The following GRID2 variants were observed in gnomAD, a reference collection of about 807,000 sequenced individuals.
GRID2 encodes glutamate receptor ionotropic, delta-2.
A neutral mutation model predicts 114.8 loss-of-function variants in GRID2; 33 were observed. That is an observed-to-expected ratio of 0.29 (90% confidence interval 0.22 to 0.38). The LOEUF (loss-of-function observed/expected upper bound fraction) is 0.38, where lower values mean the gene tolerates loss of function less well. Ranked by LOEUF, GRID2 falls within the 10% of genes least tolerant of loss-of-function variation. The probability of loss-of-function intolerance (pLI) is 1.00; values close to 1 mark genes in which losing one functional copy is unlikely to be tolerated. For missense variants in GRID2, 1,184 were observed against 1,257.7 expected, an observed-to-expected ratio of 0.94 and a Z score of 0.89; for synonymous variants, 505 against 449.9, an observed-to-expected ratio of 1.12 and a Z score of -1.55.
intron 14 of GRID2, among the ~76,000 whole-genome samples, chr4:93,686,781 G>A (rs1726116842): frequency 6.6e-6 from 1 of 151,936 alleles, no homozygotes; most frequent in South Asian, 2.1e-4. Context: ...TGAAGAAATA[G>A]TAAAAAGGCC....
chr4:93,515,866 A>G (rs1729667291), intron 13 of GRID2, among the ~76,000 whole-genome samples: 1 of 152,166 alleles, frequency 6.6e-6, no homozygotes, highest in African/African-American at 2.4e-5. Flanking sequence ...GTCAACAAAT[A>G]AGGTTCCTAT....
chr4:92,599,148 G>A (rs1729086838), intron 2 of GRID2, among the ~76,000 whole-genome samples: 1 of 150,030 alleles, frequency 6.7e-6, no homozygotes, highest in African/African-American at 2.5e-5. Context: ...GCAAATAGTA[G>A]TGATGTTGCA....
intron 1 of GRID2, among the ~76,000 whole-genome samples, chr4:92,560,320 A>G (rs548485778): frequency 6.6e-6 from 1 of 152,174 alleles, no homozygotes; most frequent in Admixed American, 6.5e-5. Flanking sequence ...TTAGCATGGC[A>G]GAGGGTAGGC....
intron 10 of GRID2, among the ~76,000 whole-genome samples, chr4:93,439,723 A>G (rs1721445926): frequency 6.6e-6 from 1 of 152,046 alleles, no homozygotes; most frequent in East Asian, 1.9e-4. Flanking sequence ...AGGGGAAATA[A>G]TTTAAAAACT....
At position 93,697,683 on chromosome 4, in the gene GRID2, A is replaced by G. The variant is rs1307048514; in HGVS notation, c.2360+71248A>G. 3.9e-5 allele frequency among the ~76,000 whole-genome samples: 6 copies of G among 151,900 alleles called. No homozygotes were observed. The East Asian group carries it at 1.2e-3, about 29-fold the overall frequency. On this transcript the variant is annotated intron_variant, in intron 14 of 15. Transcript: ENST00000282020. ...TGGTCAAAGAATACAAAATTTCAAA[A>G]TTTCAATTAGATAAGTGGAATAAGT...
chr4:93,245,652 CTGTT>C (rs1561037486), intron 8 of GRID2, among the ~76,000 whole-genome samples: 146 of 152,286 alleles, frequency 9.6e-4, no homozygotes, highest in African/African-American at 3.5e-3. Flanking sequence ...GTAGCCTTTG[CTGTT>C]AGACATACCT....
intron 2 of GRID2, among the ~76,000 whole-genome samples, chr4:92,619,099 C>T (rs1024766382): frequency 4.6e-5 from 7 of 151,486 alleles, no homozygotes; most frequent in African/African-American, 1.7e-4. Context: ...TTTTGAGTCA[C>T]TATAGCTTAA....
chr4:93,614,333 TC>T (rs1355372681), intron 13 of GRID2, among the ~76,000 whole-genome samples: 2 of 152,106 alleles, frequency 1.3e-5, no homozygotes, highest in Non-Finnish European at 2.9e-5. Context: ...TCTTGGCTCC[TC>T]CCCCCTGAAA....
At chr4:92,917,428 C>G (rs928358471) in intron 2 of GRID2, among the ~76,000 whole-genome samples, 1 of 152,122 alleles carries the variant, frequency 6.6e-6, no homozygotes, top group African/African-American at 2.4e-5. Context: ...GACATGAAGT[C>G]CTTGCCCATG....
chr4:93,242,147 A>G (rs1747601053), intron 8 of GRID2, among the ~76,000 whole-genome samples: 1 of 151,948 alleles, frequency 6.6e-6, no homozygotes, highest in Non-Finnish European at 1.5e-5. Flanking sequence ...TTATTAATAA[A>G]TTGTCTTTGC....
At chr4:92,486,704 C>A (rs1185142599) in intron 1 of GRID2, among the ~76,000 whole-genome samples, 1 of 151,240 alleles carries the variant, frequency 6.6e-6, no homozygotes, top group Non-Finnish European at 1.5e-5. Context: ...GGATTAATAT[C>A]CAAAATATAT....
intron 9 of GRID2, among the ~76,000 whole-genome samples, chr4:93,419,961 A>G (rs1768100554): frequency 6.6e-6 from 1 of 152,156 alleles, no homozygotes; most frequent in African/African-American, 2.4e-5. Context: ...TGCAATAATT[A>G]AATTCATAAT....
chr4:92,705,418 A>G (rs938672052), intron 2 of GRID2, among the ~76,000 whole-genome samples: 1 of 152,194 alleles, frequency 6.6e-6, no homozygotes, highest in Non-Finnish European at 1.5e-5. Context: ...TGAGTGGACA[A>G]AGGAGACCTG....
chr4:93,516,143 T>TA (rs1345942380), intron 13 of GRID2, among the ~76,000 whole-genome samples: 1 of 152,098 alleles, frequency 6.6e-6, no homozygotes, highest in African/African-American at 2.4e-5. Context: ...AATAAATAAT[T>TA]ATGGAATGCA....
In GRID2 at chr4:92,389,882, C is replaced by T. The variant is rs187063869; in HGVS notation, c.88+85138C>T. On this transcript the variant is annotated intron_variant, in intron 1 of 15. Coordinates refer to ENST00000282020, the MANE Select transcript of GRID2 (RefSeq NM_001510.4). ...GGTTCATTATTAATGTGGGTAAGAA[C>T]ACTGGACTCAATCTTTTCAAAATTG... 4.0e-4 allele frequency among the ~76,000 whole-genome samples: 61 copies of T among 152,104 alleles called. 1 individual carries two copies. In the East Asian group the frequency reaches 9.7e-3, roughly 24 times the overall value.
intron 7 of GRID2, among the ~76,000 whole-genome samples, chr4:93,233,330 TTA>T (rs1304678995): frequency 4.2e-5 from 4 of 96,202 alleles, no homozygotes; most frequent in African/African-American, 1.5e-4. Flanking sequence ...ATTATTATTA[TTA>T]TTATTTTTTT....
rs1735955239 is a variant in GRID2, at chr4:92,724,321, C to T, written c.244+134035C>T. ...TTCCCATCCTTCAGCGTCCACTCCC[C>T]ACTCACCACCATAGTTAGAAGCATC... On this transcript the variant is annotated intron_variant, in intron 2 of 15. Transcript: ENST00000282020. Among the ~76,000 whole-genome samples, 2 of 152,110 alleles carry T rather than the reference C, an allele frequency of 1.3e-5. 1 individual carries two copies. Among genetic ancestry groups the T allele is most frequent in the Non-Finnish European group, 2.9e-5 (2 of 68,014 alleles).
intron 14 of GRID2, among the ~76,000 whole-genome samples, chr4:93,636,004 AT>A (rs1331463913): frequency 6.6e-6 from 1 of 152,208 alleles, no homozygotes; most frequent in Non-Finnish European, 1.5e-5. Flanking sequence ...CATGGGGTAG[AT>A]TTTTAAGTGA....
intron 2 of GRID2, among the ~76,000 whole-genome samples, chr4:93,071,090 A>G: frequency 6.6e-6 from 1 of 152,142 alleles, no homozygotes; most frequent in Admixed American, 6.6e-5. Context: ...AATGCCAAAC[A>G]ACACTTTTCT....
Sources: allele counts gnomAD v4.1 joint callset (sites outside exome capture counted in the v4.1 genomes callset), GRCh38; gene constraint gnomAD v4.1.1; transcripts MANE v1.5; gene names NCBI Gene and HGNC (gene_info 2026-07-23, HGNC 2026-07-21).